COL4A4: variants seen among roughly 807,000 people sequenced by gnomAD.
COL4A4 encodes the protein collagen type IV alpha 4 chain.
In COL4A4, 105 loss-of-function variants were observed where a neutral mutation model predicts 192.9. That is an observed-to-expected ratio of 0.54 (90% CI 0.46 to 0.64). The LOEUF is 0.64. Ranked by LOEUF, COL4A4 falls within the 30% of genes least tolerant of loss-of-function variation. The pLI, the probability that COL4A4 is intolerant of heterozygous loss-of-function variation, is 0.00. For synonymous variants in COL4A4, 762 were observed against 769.9 expected (o/e 0.99, Z 0.17); for missense variants, 1,967 against 2,169.3 (o/e 0.91, Z 1.85).
At position 227,003,425 on chromosome 2, in the gene COL4A4, T is replaced by G. The variant is rs1390776611; in HGVS notation, c.*3900A>C. The stretch of plus-strand genomic sequence containing the variant: ...CCCAGGATAACAGCTGAAAAATGAC[T>G]AAGCCAGATTTCAAACCTGGGTTCG... On this transcript the variant is annotated 3_prime_UTR_variant, in exon 48 of 48. Coordinates refer to ENST00000396625, the MANE Select transcript of COL4A4 (RefSeq NM_000092.5). 6.6e-6 allele frequency: 1 copy of G among 152,160 alleles called. No homozygotes were observed. The highest frequency in any genetic ancestry group is 1.5e-5 in the Non-Finnish European group (1 of 68,034). 9.4% of individuals were successfully genotyped at this position (152,160 alleles called of 1,614,324 possible).
rs763540652 is a variant in COL4A4 at position 227,088,847 on chromosome 2, T to C, written c.1460-31A>G. On this transcript the variant is annotated intron_variant, in intron 21 of 47. Transcript: ENST00000396625. ...CAGAGGATCAATGGCAGATTTGTCA[T>C]ATTTCCTGAATAAAATCCCCAATAA... 4 of 1,613,018 alleles carry C rather than the reference T, an allele frequency of 2.5e-6. No individual in the cohort carries two copies. In the African/African-American group the frequency reaches 5.3e-5, roughly 22 times the overall value.
chr2:227,071,625 C>A (rs1008192968), intron 25 of COL4A4, among the ~76,000 whole-genome samples: 14 of 152,056 alleles, frequency 9.2e-5, no homozygotes, highest in African/African-American at 3.1e-4. Flanking sequence ...GGAACATTCT[C>A]CAAGATAGAC....
At chr2:226,987,735 A>C in the COL4A4 span, among the ~76,000 whole-genome samples, 1 of 152,226 alleles carries the variant, frequency 6.6e-6, no homozygotes, top group Non-Finnish European at 1.5e-5. Flanking sequence ...CATCTGGTTG[A>C]AGTGAATTCA....
At chr2:227,037,722 A>G (rs369186990) in intron 37 of COL4A4, among the ~76,000 whole-genome samples, 2 of 152,218 alleles carry the variant, frequency 1.3e-5, no homozygotes, top group South Asian at 2.1e-4. Context: ...AAGCATTCCT[A>G]TTTCTCCACA....
At chr2:227,162,757 A>C (rs2064946377) in intron 1 of COL4A4, among the ~76,000 whole-genome samples, 1 of 152,238 alleles carries the variant, frequency 6.6e-6, no homozygotes, top group African/African-American at 2.4e-5. Context: ...ATTTTAAAAC[A>C]GCTAGAGAGT....
At chr2:227,028,644 TTTATTATTATTATTATTATTATTA>T (rs56914189) in intron 41 of COL4A4, among the ~76,000 whole-genome samples, 3 of 141,894 alleles carry the variant, frequency 2.1e-5, no homozygotes, top group Admixed American at 7.1e-5. Context: ...ATAAAAGAAA[TTTATTATTATTATTATTATTATTA>T]TTATTATTAT....
intron 4 of COL4A4, among the ~76,000 whole-genome samples, chr2:227,134,351 CAAG>C (rs1370672200): frequency 6.6e-6 from 1 of 152,246 alleles, no homozygotes; most frequent in Admixed American, 6.5e-5. Flanking sequence ...GAAGATATAG[CAAG>C]AAGAACAAAA....
chr2:227,070,912 A>T (rs953391940), intron 25 of COL4A4, among the ~76,000 whole-genome samples: 1 of 150,440 alleles, frequency 6.6e-6, no homozygotes, highest in Non-Finnish European at 1.5e-5. Flanking sequence ...TGCTAAAAGG[A>T]GTTCTAAACC....
intron 44 of COL4A4, among the ~76,000 whole-genome samples, chr2:227,013,163 G>C (rs1964162232): frequency 6.6e-6 from 1 of 152,200 alleles, no homozygotes; most frequent in Non-Finnish European, 1.5e-5. Flanking sequence ...GGTCAGGGGA[G>C]CAGACACAAT....
At chr2:227,010,105 T>C (rs1301922155) in intron 46 of COL4A4, among the ~76,000 whole-genome samples, 1 of 152,202 alleles carries the variant, frequency 6.6e-6, no homozygotes, top group Non-Finnish European at 1.5e-5. Flanking sequence ...AGCCAGATAA[T>C]AATTATAGCC....
At chr2:226,983,983 T>G in the COL4A4 span, among the ~76,000 whole-genome samples, 1 of 152,250 alleles carries the variant, frequency 6.6e-6, no homozygotes, top group South Asian at 2.1e-4. Flanking sequence ...GAACTGTCCC[T>G]GCTCGTATAG....
intron 45 of COL4A4, 114 bp from the exon 46 acceptor site, chr2:227,010,615 T>C (rs946793877): frequency 8.7e-6 from 7 of 802,992 alleles, no homozygotes; most frequent in African/African-American, 1.7e-5. Flanking sequence ...GAGGGGAGCA[T>C]GACTCAGCCC....
At chr2:227,112,937 A>G (rs1018622103) in intron 8 of COL4A4, among the ~76,000 whole-genome samples, 4 of 152,186 alleles carry the variant, frequency 2.6e-5, no homozygotes, top group African/African-American at 9.7e-5. Flanking sequence ...GGATGAATAT[A>G]CCACATTTTG....
At chr2:226,999,404 G>A (rs1960388379), downstream of COL4A4, among the ~76,000 whole-genome samples, 1 of 152,142 alleles carries the variant, frequency 6.6e-6, no homozygotes, top group Non-Finnish European at 1.5e-5. Context: ...TGCATCGAAT[G>A]CTGTGACCTG....
chr2:227,089,969 G>A lies in COL4A4; in HGVS notation c.1370-12C>T, dbSNP rs1470251125. The A allele has an allele frequency of 1.9e-6, 3 of 1,602,380 alleles. No individual in the cohort carries two copies. The highest frequency in any genetic ancestry group is 1.1e-5 in the South Asian group (1 of 90,810). ...ACTACAGTATATCACTGTCAAGGAG[G>A]TAAGGGGGTGGGCAGAGAGAATCAC... On this transcript the variant is annotated splice_polypyrimidine_tract_variant and intron_variant, in intron 20 of 47. Coordinates refer to ENST00000396625, the MANE Select transcript of COL4A4 (RefSeq NM_000092.5).
intron 36 of COL4A4, 102 bp downstream of exon 36, chr2:227,042,974 CA>C: frequency 1.2e-6 from 1 of 854,376 alleles, no homozygotes; most frequent in East Asian, 2.6e-5. Context: ...TGGGAAATGG[CA>C]GAGCCATATC....
intron 4 of COL4A4, among the ~76,000 whole-genome samples, chr2:227,136,664 C>T (rs191857174): frequency 8.4e-4 from 128 of 152,280 alleles, no homozygotes; most frequent in African/African-American, 2.9e-3. Context: ...GAACCATGGC[C>T]GTTCCTCAGC....
At chr2:226,969,993 C>CG in the COL4A4 span, among the ~76,000 whole-genome samples, 5 of 116,152 alleles carry the variant, frequency 4.3e-5, no homozygotes, top group Non-Finnish European at 8.5e-5. Flanking sequence ...CAACTGTCCC[C>CG]CCCCCCTTAA....
At chr2:227,014,435 G>A (rs941260873) in intron 44 of COL4A4, among the ~76,000 whole-genome samples, 25 of 152,294 alleles carry the variant, frequency 1.6e-4, no homozygotes, top group African/African-American at 3.9e-4. Context: ...TGACCTTGGC[G>A]GCATATTTTG....
Sources: allele counts gnomAD v4.1 joint callset (sites outside exome capture counted in the v4.1 genomes callset), GRCh38; gene constraint gnomAD v4.1.1; transcripts MANE v1.5; gene names NCBI Gene and HGNC (gene_info 2026-07-23, HGNC 2026-07-21).